Variants in LRRC69 observed in about 807,000 individuals in gnomAD.
The protein encoded by LRRC69 is leucine rich repeat containing 69.
A neutral mutation model predicts 37.8 loss-of-function variants in LRRC69; 42 were observed. The ratio of observed to expected loss-of-function variants is 1.11; its 90% CI spans 0.87 to 1.44. The LOEUF (loss-of-function observed/expected upper bound fraction) is 1.44. LRRC69 is among the 40% of genes most tolerant of loss of function. LRRC69 has a pLI of 0.00. For missense variants in LRRC69, 357 were observed against 401.9 expected (o/e 0.89, Z 0.96); for synonymous variants, 141 against 143.1 (o/e 0.99, Z 0.11).
chr8:91,216,461 CT>C (rs1466550482), intron 7 of LRRC69, among the ~76,000 whole-genome samples: 1 of 152,114 alleles, frequency 6.6e-6, no homozygotes, highest in Non-Finnish European at 1.5e-5. Context: ...ATATTTGTTT[CT>C]TTCTCTAACT....
chr8:91,187,377 C>G (rs538757634), intron 5 of LRRC69, among the ~76,000 whole-genome samples: 16 of 152,274 alleles, frequency 1.1e-4, no homozygotes, highest in Non-Finnish European at 2.4e-4. Context: ...CTTGTTATTC[C>G]TTCCTGTAAC....
chr8:91,102,973 T>C, intron 1 of LRRC69, 129 bp downstream of exon 1: 1 of 881,104 alleles, frequency 1.1e-6, no homozygotes, highest in South Asian at 2.3e-5. Flanking sequence ...AGACTTAATG[T>C]GGAGTGTTGC....
At chr8:91,212,369 A>G (rs1325348591) in intron 7 of LRRC69, among the ~76,000 whole-genome samples, 1 of 152,112 alleles carries the variant, frequency 6.6e-6, no homozygotes, top group Admixed American at 6.5e-5. Context: ...AAAGTTGAAT[A>G]GTTTAGGGAG....
Position 91,157,684 on chromosome 8 carries a change from T to C in LRRC69, c.651+21945T>C. 2.5e-6 allele frequency: 4 copies of C among 1,595,812 alleles called. No individual in the cohort carries two copies. The South Asian group carries it at 4.4e-5, about 18-fold the overall frequency. The stretch of plus-strand genomic sequence containing the variant: ...TGAATGCCTTACAGCTAGCTGATCA[T>C]TACACAGGCGGCATGAAGCAAAAAT... On this transcript the variant is annotated intron_variant, in intron 5 of 7. Transcript: ENST00000448384.
At chr8:91,108,292 C>T (rs1813354271) in intron 1 of LRRC69, among the ~76,000 whole-genome samples, 1 of 152,066 alleles carries the variant, frequency 6.6e-6, no homozygotes, top group South Asian at 2.1e-4. Context: ...CAATCAACTT[C>T]ATTCATTCAT....
chr8:91,162,785 C>G (rs1808968270), intron 5 of LRRC69, among the ~76,000 whole-genome samples: 1 of 151,184 alleles, frequency 6.6e-6, no homozygotes. Flanking sequence ...ACTTACTTAT[C>G]TTTTTGCCTC....
At chr8:91,161,581 T>C (rs1808945975) in intron 5 of LRRC69, among the ~76,000 whole-genome samples, 1 of 151,346 alleles carries the variant, frequency 6.6e-6, no homozygotes, top group South Asian at 2.1e-4. Flanking sequence ...TTTTTTGGCA[T>C]ATAGTTGTTC....
intron 1 of LRRC69, among the ~76,000 whole-genome samples, chr8:91,107,942 A>G (rs1397492721): frequency 1.3e-5 from 2 of 152,068 alleles, no homozygotes; most frequent in Non-Finnish European, 2.9e-5. Context: ...TGTCAACATG[A>G]GTGAAATGGA....
At chr8:91,152,206 G>T (rs4329236) in intron 5 of LRRC69, among the ~76,000 whole-genome samples, 1 of 151,278 alleles carries the variant, frequency 6.6e-6, no homozygotes, top group African/African-American at 2.4e-5. Context: ...ATATCTTTGC[G>T]CATGCCTATT....
rs537942444 is a variant in LRRC69, at chr8:91,163,939, T to A, written c.652-25583T>A. Among the ~76,000 whole-genome samples, 20 of 151,538 alleles carry A rather than the reference T, an allele frequency of 1.3e-4. No individual in the cohort carries two copies. In the South Asian group the frequency reaches 3.5e-3, roughly 27 times the overall value. On this transcript the variant is annotated intron_variant, in intron 5 of 7. Coordinates refer to ENST00000448384, the Ensembl canonical transcript of LRRC69. ...ATTAAAATACAAGCCAAATCAAAAA[T>A]AAAAATTCAGCTCTTGACTGAGAAG...
intron 7 of LRRC69, among the ~76,000 whole-genome samples, chr8:91,203,479 A>G (rs959564169): frequency 2.0e-5 from 3 of 149,834 alleles, no homozygotes; most frequent in African/African-American, 7.4e-5. Flanking sequence ...TGCAACCTCC[A>G]TCTCCTGTGT....
At chr8:91,173,869 A>G (rs1809176000) in intron 5 of LRRC69, among the ~76,000 whole-genome samples, 3 of 151,964 alleles carry the variant, frequency 2.0e-5, no homozygotes, top group Admixed American at 1.3e-4. Context: ...ATACTATCAT[A>G]CTGGGGATTG....
intron 6 of LRRC69, among the ~76,000 whole-genome samples, chr8:91,192,092 G>C (rs575063747): frequency 6.8e-6 from 1 of 148,056 alleles, no homozygotes; most frequent in Non-Finnish European, 1.5e-5. Context: ...GAGAATATGC[G>C]GTGTTTGGTT....
At chr8:91,197,403 T>A (rs974640429) in intron 6 of LRRC69, among the ~76,000 whole-genome samples, 5 of 152,224 alleles carry the variant, frequency 3.3e-5, no homozygotes, top group Admixed American at 1.3e-4. Flanking sequence ...TTTGTTTACC[T>A]AATCAAGCCT....
rs1319978208 is a variant in LRRC69 at position 91,140,814 on chromosome 8, C to T, written c.651+5075C>T. On this transcript the variant is annotated intron_variant, in intron 5 of 7. Transcript: ENST00000448384. ...GACTACAGGCGCCCGCCACTACGCC[C>T]GGCTAATTTTTTGTATTTTTAGTAG... is the stretch of plus-strand genomic sequence containing the variant. Among the ~76,000 whole-genome samples, 2 of 65,450 alleles carry T rather than the reference C, an allele frequency of 3.1e-5. 1 individual carries two copies. Among genetic ancestry groups the T allele is most frequent in the Admixed American group, 2.4e-4 (2 of 8,502 alleles). The allele number at this position is 65,450 out of a possible 152,430, so 42.9% of individuals were successfully genotyped here.
At chr8:91,174,936 G>A (rs1809198436) in intron 5 of LRRC69, among the ~76,000 whole-genome samples, 1 of 152,012 alleles carries the variant, frequency 6.6e-6, no homozygotes. Context: ...TAAGGATTGG[G>A]AGTCTTAGAT....
At chr8:91,124,705 TTGCA>T in intron 2 of LRRC69, 86 bp downstream of exon 2, 1 of 1,211,818 alleles carries the variant, frequency 8.3e-7, no homozygotes, top group Non-Finnish European at 1.1e-6. Context: ...AAAAAGAATT[TTGCA>T]TGTTTAATCT....
intron 5 of LRRC69, among the ~76,000 whole-genome samples, chr8:91,176,977 T>A (rs1809243198): frequency 6.6e-6 from 1 of 152,036 alleles, no homozygotes; most frequent in African/African-American, 2.4e-5. Flanking sequence ...GAAATATTAT[T>A]ATATGTTCTG....
intron 5 of LRRC69, chr8:91,158,324 C>G: frequency 6.8e-7 from 1 of 1,473,564 alleles, no homozygotes; most frequent in South Asian, 1.1e-5. Context: ...GGAATTTACC[C>G]TTCTGTTTCT....
Sources: allele counts gnomAD v4.1 joint callset (sites outside exome capture counted in the v4.1 genomes callset), GRCh38; gene constraint gnomAD v4.1.1; transcripts MANE v1.5; gene names NCBI Gene and HGNC (gene_info 2026-07-23, HGNC 2026-07-21).